Variants in KAT2B observed in about 807,000 individuals in gnomAD.
KAT2B encodes histone acetyltransferase KAT2B.
KAT2B carries 36 observed loss-of-function variants against 105.9 expected under a neutral mutation model. That is an observed-to-expected ratio of 0.34 (90% confidence interval 0.26 to 0.45). KAT2B has a LOEUF of 0.45. KAT2B is among the 20% of genes least tolerant of loss of function. KAT2B has a pLI of 1.00. For synonymous variants in KAT2B, 397 were observed against 377.9 expected, an observed-to-expected ratio of 1.05 and a Z score of -0.59; for missense variants, 820 against 1,021.6, an observed-to-expected ratio of 0.80 and a Z score of 2.69.
chr3:20,048,507 T>G (rs1358639661), intron 1 of KAT2B, among the ~76,000 whole-genome samples: 1 of 152,196 alleles, frequency 6.6e-6, no homozygotes, highest in Non-Finnish European at 1.5e-5. Flanking sequence ...ATTCTGCGGT[T>G]GTTAAGTAAA....
chr3:20,083,235 A>G (rs1698551202), intron 2 of KAT2B, among the ~76,000 whole-genome samples: 1 of 149,586 alleles, frequency 6.7e-6, no homozygotes, highest in African/African-American at 2.6e-5. Context: ...TAGTTTATAG[A>G]TTTTTATTTT....
At chr3:20,081,878 C>CATATAT (rs139743528) in intron 2 of KAT2B, among the ~76,000 whole-genome samples, 16,481 of 140,442 alleles carry the variant, frequency 0.12, 1,168 homozygotes, top group East Asian at 0.28. Flanking sequence ...GTCATTGGCT[C>CATATAT]ATATATATAT....
chr3:20,105,968 T>G (rs1000183618), intron 5 of KAT2B, among the ~76,000 whole-genome samples: 3 of 152,156 alleles, frequency 2.0e-5, no homozygotes, highest in Admixed American at 6.5e-5. Flanking sequence ...CTAGAACAGA[T>G]TTATCAGGAA....
chr3:20,047,576 TC>T (rs1697836072), intron 1 of KAT2B, among the ~76,000 whole-genome samples: 1 of 149,302 alleles, frequency 6.7e-6, no homozygotes, highest in South Asian at 2.1e-4. Flanking sequence ...ACTTCTTCCA[TC>T]CCCGAAAGTT....
intron 9 of KAT2B, 100 bp from the exon 10 acceptor site, chr3:20,125,805 G>T (rs572889418): frequency 1.1e-6 from 1 of 950,600 alleles, no homozygotes; most frequent in East Asian, 2.4e-5. Context: ...CCACAAATGT[G>T]TATCTTATTA....
intron 11 of KAT2B, among the ~76,000 whole-genome samples, chr3:20,135,654 A>C (rs200430429): frequency 9.4e-4 from 6 of 6,360 alleles, no homozygotes. Context: ...ACTCCATCTC[A>C]AAAAAAAAAA....
At chr3:20,058,514 A>G (rs946801584) in intron 1 of KAT2B, among the ~76,000 whole-genome samples, 1 of 150,806 alleles carries the variant, frequency 6.6e-6, no homozygotes, top group Non-Finnish European at 1.5e-5. Flanking sequence ...TTACCTCACT[A>G]GTTATCTTTT....
At chr3:20,109,775 A>G (rs1052990990) in intron 5 of KAT2B, among the ~76,000 whole-genome samples, 1 of 152,218 alleles carries the variant, frequency 6.6e-6, no homozygotes, top group African/African-American at 2.4e-5. Context: ...ACTGTTTCAG[A>G]CAAAAGACAA....
chr3:20,128,526 G>A (rs922207403), intron 11 of KAT2B, among the ~76,000 whole-genome samples: 49 of 151,968 alleles, frequency 3.2e-4, no homozygotes, highest in Admixed American at 6.5e-5. Context: ...TATCTTCCCA[G>A]TTGTCTTTGG....
chr3:20,046,174 A>G (rs947909937), intron 1 of KAT2B, among the ~76,000 whole-genome samples: 22 of 152,378 alleles, frequency 1.4e-4, no homozygotes, highest in Admixed American at 7.8e-4. Flanking sequence ...CTTTACTCGT[A>G]TATCAGAGTC....
At chr3:20,075,636 A>G (rs1310041410) in intron 2 of KAT2B, among the ~76,000 whole-genome samples, 1 of 152,136 alleles carries the variant, frequency 6.6e-6, no homozygotes, top group Admixed American at 6.6e-5. Flanking sequence ...GAAACACTTC[A>G]GTTTACTGGT....
In KAT2B at chr3:20,145,554, G is replaced by GTTTTTT. The variant is rs550166293; in HGVS notation, c.2005-742_2005-737dup. On this transcript the variant is annotated intron_variant, in intron 13 of 17. Transcript: ENST00000263754. ...TTAATTTCCGGATGGGATTTTTTTA[G>GTTTTTT]TTTTTTTTTTTTTTTTTTTTTTTTT... 9.8e-3 allele frequency among the ~76,000 whole-genome samples: 901 copies of GTTTTTT among 92,020 alleles called. 17 individuals carry two copies. The highest frequency in any genetic ancestry group is 0.014 in the Non-Finnish European group (691 of 49,614). The allele number at this position is 92,020 out of a possible 152,430, so 60.4% of individuals were successfully genotyped here. A position where few individuals can be genotyped will look rare whatever the true frequency, so the allele number is the denominator to read the frequency against.
At chr3:20,151,749 A>T (rs1023779965) in intron 17 of KAT2B, among the ~76,000 whole-genome samples, 15 of 152,166 alleles carry the variant, frequency 9.9e-5, no homozygotes, top group Non-Finnish European at 2.2e-4. Flanking sequence ...TAGAAAATAG[A>T]TTATTAAATG....
intron 2 of KAT2B, among the ~76,000 whole-genome samples, chr3:20,079,827 C>T (rs1425832916): frequency 6.6e-6 from 1 of 152,166 alleles, no homozygotes; most frequent in African/African-American, 2.4e-5. Flanking sequence ...GCTGGATGTC[C>T]ACTGCTGGCT....
In KAT2B at chr3:20,086,636, G is replaced by T. The variant is rs188033277; in HGVS notation, c.431-8627G>T. On this transcript the variant is annotated intron_variant, in intron 2 of 17. Transcript: ENST00000263754. ...CACCCCACAAAAATGCTGTATTGGG[G>T]TGCACACCCATGCATATTCCTCATC... is the stretch of plus-strand genomic sequence containing the variant. Among the ~76,000 whole-genome samples the T allele has an allele frequency of 8.1e-4, 123 of 152,166 alleles. 3 individuals are homozygous for T. Among genetic ancestry groups the T allele is most frequent in the African/African-American group, 2.9e-3 (120 of 41,514 alleles).
chr3:20,103,780 T>G (rs1403241072), intron 5 of KAT2B, among the ~76,000 whole-genome samples: 1 of 152,240 alleles, frequency 6.6e-6, no homozygotes, highest in Non-Finnish European at 1.5e-5. Flanking sequence ...GTGGCACTTA[T>G]GAATACTTAA....
intron 13 of KAT2B, among the ~76,000 whole-genome samples, chr3:20,141,238 C>T (rs1030796812): frequency 6.6e-5 from 10 of 152,076 alleles, no homozygotes; most frequent in Non-Finnish European, 1.0e-4. Context: ...AAGGCTTATC[C>T]TTCTAGGTAT....
intron 11 of KAT2B, among the ~76,000 whole-genome samples, chr3:20,135,960 A>C (rs897057212): frequency 2.6e-5 from 4 of 152,324 alleles, no homozygotes; most frequent in African/African-American, 9.6e-5. Flanking sequence ...TCTCACCACC[A>C]AGGAATTGGC....
chr3:20,098,310 C>T (rs1362902061), intron 3 of KAT2B, among the ~76,000 whole-genome samples: 1 of 151,864 alleles, frequency 6.6e-6, no homozygotes. Flanking sequence ...TGAAGTATAT[C>T]TTAGTGCTTA....
Sources: allele counts gnomAD v4.1 joint callset (sites outside exome capture counted in the v4.1 genomes callset), GRCh38; gene constraint gnomAD v4.1.1; transcripts MANE v1.5; gene names NCBI Gene and HGNC (gene_info 2026-07-23, HGNC 2026-07-21).